Variants in CDK17 observed in about 807,000 individuals in gnomAD.
The protein encoded by CDK17 is cyclin dependent kinase 17, also known as cyclin-dependent kinase 17.
Under a neutral mutation model 77.6 loss-of-function variants are expected in CDK17, and 24 were observed. The ratio of observed to expected loss-of-function variants is 0.31; its 90% CI spans 0.22 to 0.44. The LOEUF (loss-of-function observed/expected upper bound fraction) is 0.44, where lower values mean the gene tolerates loss of function less well. Ranked by LOEUF, CDK17 falls within the 20% of genes least tolerant of loss-of-function variation. The pLI, the probability that CDK17 is intolerant of heterozygous loss-of-function variation, is 1.00. For synonymous variants in CDK17, 203 were observed against 210.4 expected (o/e 0.96, Z 0.30); for missense variants, 429 against 622.5 (o/e 0.69, Z 3.31).
chr12:96,342,555 C>T (rs565554588), intron 1 of CDK17, among the ~76,000 whole-genome samples: 1 of 151,936 alleles, frequency 6.6e-6, no homozygotes, highest in East Asian at 1.9e-4. Flanking sequence ...GAGCAAGATG[C>T]CATGTCAAAC....
chr12:96,332,900 A>G (rs995283457), intron 2 of CDK17, among the ~76,000 whole-genome samples: 6 of 152,222 alleles, frequency 3.9e-5, no homozygotes, highest in African/African-American at 1.2e-4. Context: ...TTAATACCAA[A>G]ATATTCTAGA....
chr12:96,358,113 A>G (rs950849164), intron 1 of CDK17, among the ~76,000 whole-genome samples: 4 of 152,178 alleles, frequency 2.6e-5, no homozygotes, highest in African/African-American at 7.2e-5. Flanking sequence ...AACACACAAT[A>G]TATTTACTGT....
intron 5 of CDK17, among the ~76,000 whole-genome samples, chr12:96,304,915 C>A (rs778338042): frequency 1.6e-4 from 25 of 152,068 alleles, no homozygotes; most frequent in Non-Finnish European, 8.8e-5. Context: ...ATTGGTAAAA[C>A]CAGGAATGAA....
chr12:96,330,213 A>G (rs1952947976), intron 2 of CDK17, among the ~76,000 whole-genome samples: 1 of 152,182 alleles, frequency 6.6e-6, no homozygotes, highest in Non-Finnish European at 1.5e-5. Flanking sequence ...TGTAAACACA[A>G]GATTCTGAAA....
chr12:96,317,024 A>G (rs1223217374), intron 3 of CDK17, among the ~76,000 whole-genome samples: 2 of 140,162 alleles, frequency 1.4e-5, no homozygotes, highest in African/African-American at 2.6e-5. Context: ...ACGGGAGGAC[A>G]TTCAAACCAA....
At position 96,295,924 on chromosome 12, in the gene CDK17, T is replaced by G. The variant is rs370803192; in HGVS notation, c.874-802A>C. Among the ~76,000 whole-genome samples, 20 of 152,288 alleles carry G rather than the reference T, an allele frequency of 1.3e-4. No individual in the cohort carries two copies. In the East Asian group the frequency reaches 3.1e-3, roughly 23 times the overall value. On this transcript the variant is annotated intron_variant, in intron 9 of 16. Coordinates refer to ENST00000261211, the MANE Select transcript of CDK17 (RefSeq NM_002595.5). The stretch of plus-strand genomic sequence containing the variant: ...CAAAAAGAACCTCAAGTACAGAGGA[T>G]TCAAGAGTTTCCCCTCAGTTCATCT...
At chr12:96,381,607 C>A (rs2137228524) in intron 1 of CDK17, among the ~76,000 whole-genome samples, 1 of 151,714 alleles carries the variant, frequency 6.6e-6, no homozygotes, top group South Asian at 2.1e-4. Flanking sequence ...TTTTGCCTGC[C>A]ATTTACTAAA....
intron 1 of CDK17, among the ~76,000 whole-genome samples, chr12:96,337,139 G>C (rs2137147299): frequency 6.6e-6 from 1 of 152,198 alleles, no homozygotes; most frequent in East Asian, 1.9e-4. Context: ...GAGCTGACTT[G>C]AGACTGAGTT....
At chr12:96,283,074 T>G (rs1015346911) in intron 14 of CDK17, among the ~76,000 whole-genome samples, 1 of 152,152 alleles carries the variant, frequency 6.6e-6, no homozygotes, top group Non-Finnish European at 1.5e-5. Context: ...CTGTTTTAAA[T>G]TTTGGCTAAT....
intron 13 of CDK17, among the ~76,000 whole-genome samples, chr12:96,284,102 A>T (rs1050356482): frequency 5.9e-5 from 9 of 152,232 alleles, no homozygotes; most frequent in African/African-American, 1.9e-4. Flanking sequence ...GCAAATTTTT[A>T]GAGTTGTCTG....
At chr12:96,313,849 T>A (rs1338326823) in intron 3 of CDK17, among the ~76,000 whole-genome samples, 1 of 152,014 alleles carries the variant, frequency 6.6e-6, no homozygotes, top group Non-Finnish European at 1.5e-5. Flanking sequence ...CACCTGGTCA[T>A]CTGCCTCTTA....
At position 96,297,493 on chromosome 12, in the gene CDK17, T is replaced by A. The variant is rs947265431; in HGVS notation, c.810+134A>T. Reference sequence around the variant, plus strand: ...AAACTGATAACTAAATAATAAAGTCTCTTGGGCTGTTAAAAAGTCCAATTT... The same window carrying A: ...AAACTGATAACTAAATAATAAAGTCACTTGGGCTGTTAAAAAGTCCAATTT... On this transcript the variant is annotated intron_variant, in intron 8 of 16. Transcript: ENST00000261211. The A allele has an allele frequency of 5.2e-6, 4 of 766,830 alleles. No homozygotes were observed. In the African/African-American group the frequency reaches 7.1e-5, roughly 14 times the overall value. The allele number at this position is 766,830 out of a possible 1,614,324, so 47.5% of individuals were successfully genotyped here.
rs796754571 is a variant in CDK17 at position 96,307,295 on chromosome 12, C to CA, written c.543+3756dup. 5.7e-3 allele frequency among the ~76,000 whole-genome samples: 859 copies of CA among 149,532 alleles called. 17 individuals carry two copies. Among genetic ancestry groups the CA allele is most frequent in the African/African-American group, 0.02 (818 of 40,916 alleles). ...GGGCAACAAAAGTGAAACTCTGTCT[C>CA]AAAAAAAAAGCGGGGGAGGTAGGTA... On this transcript the variant is annotated intron_variant, in intron 5 of 16. Transcript: ENST00000261211.
At chr12:96,358,455 G>C (rs1374620046) in intron 1 of CDK17, among the ~76,000 whole-genome samples, 1 of 142,624 alleles carries the variant, frequency 7.0e-6, no homozygotes, top group Non-Finnish European at 1.5e-5. Flanking sequence ...TAGATTTTAA[G>C]ACAGTAAAAT....
intron 16 of CDK17, 109 bp downstream of exon 16, chr12:96,280,698 TG>T: frequency 6.6e-7 from 1 of 1,510,896 alleles, no homozygotes; most frequent in Non-Finnish European, 8.8e-7. Flanking sequence ...TGGAATGCAC[TG>T]TACATTGGTT....
intron 3 of CDK17, among the ~76,000 whole-genome samples, chr12:96,314,655 C>G (rs1952685644): frequency 6.6e-6 from 1 of 152,184 alleles, no homozygotes; most frequent in African/African-American, 2.4e-5. Flanking sequence ...CAGTCATTAT[C>G]TAATAACCCA....
chr12:96,333,146 TGG>T (rs556296502), intron 2 of CDK17, among the ~76,000 whole-genome samples: 1 of 148,672 alleles, frequency 6.7e-6, no homozygotes, highest in African/African-American at 2.5e-5. Context: ...AAAAATTCAA[TGG>T]GGGGGGGTCC....
At chr12:96,291,122 CA>C (rs34053593) in intron 10 of CDK17, among the ~76,000 whole-genome samples, 65,927 of 131,452 alleles carry the variant, frequency 0.5, 16,057 homozygotes, top group East Asian at 0.8. Context: ...ACTATGCAAC[CA>C]AAAAAAAAAA....
At chr12:96,367,587 G>A (rs1953608898) in intron 1 of CDK17, among the ~76,000 whole-genome samples, 1 of 152,048 alleles carries the variant, frequency 6.6e-6, no homozygotes, top group Non-Finnish European at 1.5e-5. Context: ...TAAGAAGTGA[G>A]AACTGCTCAC....
Sources: gnomAD v4.1 joint callset for allele counts (sites outside exome capture counted in the v4.1 genomes callset) on GRCh38, gnomAD v4.1.1 for gene constraint, MANE v1.5 for transcripts, NCBI Gene and HGNC (gene_info 2026-07-23, HGNC 2026-07-21) for gene names.